ATP2C1: variants seen among roughly 807,000 people sequenced by gnomAD.
ATP2C1 encodes ATPase secretory pathway Ca2+ transporting 1.
Under a neutral mutation model 120.5 loss-of-function variants are expected in ATP2C1, and 31 were observed. That is an observed-to-expected ratio of 0.26 (90% CI 0.19 to 0.35). ATP2C1 has a LOEUF of 0.35. ATP2C1 is among the 10% of genes least tolerant of loss of function. The pLI, the probability that ATP2C1 is intolerant of heterozygous loss-of-function variation, is 1.00. For synonymous variants in ATP2C1, 351 were observed against 358.7 expected, an observed-to-expected ratio of 0.98 and a Z score of 0.24; for missense variants, 731 against 1,107.5, an observed-to-expected ratio of 0.66 and a Z score of 4.83.
At chr3:130,933,842 G>A (rs1462808709) in intron 4 of ATP2C1, among the ~76,000 whole-genome samples, 1 of 152,190 alleles carries the variant, frequency 6.6e-6, no homozygotes, top group Non-Finnish European at 1.5e-5. Flanking sequence ...GGCTTTGGAG[G>A]TGGTGGCATG....
chr3:130,918,355 A>G, intron 2 of ATP2C1: 1 of 1,548,634 alleles, frequency 6.5e-7, no homozygotes, highest in Non-Finnish European at 8.9e-7. Flanking sequence ...CTCTTCCCAC[A>G]CTTTGCACAT....
At chr3:130,879,020 T>A (rs2068697184) in intron 1 of ATP2C1, among the ~76,000 whole-genome samples, 1 of 152,182 alleles carries the variant, frequency 6.6e-6, no homozygotes, top group South Asian at 2.1e-4. Context: ...TGAAACTATA[T>A]AAGTATTGTT....
At position 131,001,727 on chromosome 3, in the gene ATP2C1, T is replaced by C. The variant is rs931955568; in HGVS notation, c.*377T>C. ...TTTTTAAATATTGTACTATTTATGGTGGTGGGGCTTTCTTACTAATACACA... is the reference window on the plus strand; with the variant it reads ...TTTTTAAATATTGTACTATTTATGGCGGTGGGGCTTTCTTACTAATACACA... On this transcript the variant is annotated 3_prime_UTR_variant, in exon 28 of 28. Transcript: ENST00000510168. The C allele has an allele frequency of 4.5e-5, 44 of 973,108 alleles. No homozygotes were observed. In the African/African-American group the frequency reaches 7.7e-4, roughly 17 times the overall value. The allele number at this position is 973,108 out of a possible 1,614,324, so 60.3% of individuals were successfully genotyped here.
chr3:130,951,747 T>C (rs368897857), intron 8 of ATP2C1, among the ~76,000 whole-genome samples: 150 of 152,334 alleles, frequency 9.8e-4, no homozygotes, highest in African/African-American at 3.5e-3. Context: ...CAATTAATGT[T>C]AAATGCAAAA....
At chr3:130,915,340 C>T (rs1245082665) in intron 2 of ATP2C1, among the ~76,000 whole-genome samples, 4 of 152,054 alleles carry the variant, frequency 2.6e-5, no homozygotes, top group East Asian at 3.9e-4. Flanking sequence ...GTGATCCACC[C>T]GCCTCAGACT....
intron 2 of ATP2C1, 25 bp from the exon 3 acceptor site, chr3:130,930,390 AT>A (rs2059402690): frequency 1.4e-6 from 2 of 1,422,904 alleles, no homozygotes; most frequent in African/African-American, 1.4e-5. Context: ...ATATTCAAAT[AT>A]TTTTTCTTTG....
intron 7 of ATP2C1, 141 bp downstream of exon 7, chr3:130,940,832 C>T (rs2059858476): frequency 1.1e-5 from 7 of 614,496 alleles, no homozygotes; most frequent in African/African-American, 1.9e-5. Context: ...TTCCTGGTCT[C>T]ATTAATGTAG....
At chr3:130,956,695 A>G (rs1242450125) in intron 11 of ATP2C1, among the ~76,000 whole-genome samples, 1 of 152,094 alleles carries the variant, frequency 6.6e-6, no homozygotes, top group Non-Finnish European at 1.5e-5. Context: ...AAAATTATTT[A>G]GTCAAAGGGG....
intron 2 of ATP2C1, among the ~76,000 whole-genome samples, chr3:130,927,243 CTT>C (rs772300672): frequency 1.8e-4 from 25 of 142,388 alleles, no homozygotes; most frequent in East Asian, 4.1e-4. Context: ...TTTTTTTTAA[CTT>C]TTTTTTTTTT....
intron 8 of ATP2C1, among the ~76,000 whole-genome samples, chr3:130,951,189 G>A (rs1189720333): frequency 6.6e-6 from 1 of 152,056 alleles, no homozygotes; most frequent in Non-Finnish European, 1.5e-5. Context: ...TGCTTTATGT[G>A]TTATACTGTC....
intron 1 of ATP2C1, among the ~76,000 whole-genome samples, chr3:130,875,564 T>C (rs555110573): frequency 6.6e-6 from 1 of 152,360 alleles, no homozygotes; most frequent in East Asian, 1.9e-4. Context: ...ATCTTGGCTA[T>C]TGTGGATAAT....
intron 2 of ATP2C1, among the ~76,000 whole-genome samples, chr3:130,916,039 A>G (rs573711970): frequency 6.6e-6 from 1 of 152,328 alleles, no homozygotes; most frequent in Admixed American, 6.5e-5. Context: ...AAGTATAGTT[A>G]ATAAATAGGA....
At chr3:130,992,825 T>G in intron 20 of ATP2C1, 126 bp from the exon 21 acceptor site, 1 of 749,988 alleles carries the variant, frequency 1.3e-6, no homozygotes, top group East Asian at 2.7e-5. Context: ...TTGCTTAAGC[T>G]TGATCTCAGT....
At chr3:130,980,778 G>A (rs1021542742) in intron 20 of ATP2C1, 99 bp downstream of exon 20, 76 of 907,018 alleles carry the variant, frequency 8.4e-5, no homozygotes, top group Non-Finnish European at 7.2e-6. Flanking sequence ...TGAACATCAG[G>A]GATTTAAATA....
intron 2 of ATP2C1, chr3:130,918,541 C>G: frequency 1.3e-6 from 1 of 749,350 alleles, no homozygotes; most frequent in Non-Finnish European, 2.5e-6. Context: ...TGCCCAGGCT[C>G]TCACCACGGT....
At chr3:130,961,123 T>G (rs2060800039) in intron 12 of ATP2C1, among the ~76,000 whole-genome samples, 1 of 152,070 alleles carries the variant, frequency 6.6e-6, no homozygotes, top group South Asian at 2.1e-4. Context: ...TTGAAACTCT[T>G]GGTTTAAATT....
At chr3:130,881,705 A>G (rs2068787108) in intron 1 of ATP2C1, among the ~76,000 whole-genome samples, 11 of 152,222 alleles carry the variant, frequency 7.2e-5, no homozygotes, top group Admixed American at 7.2e-4. Flanking sequence ...ATATGTTTAC[A>G]TTGTTTTGCA....
chr3:131,000,055 T>C (rs150808304), intron 27 of ATP2C1, among the ~76,000 whole-genome samples: 1 of 152,332 alleles, frequency 6.6e-6, no homozygotes, highest in African/African-American at 2.4e-5. Context: ...AATTTCATTA[T>C]TCTTTCTTGT....
At chr3:130,867,334 C>CCCTCTA (rs1041867403) in intron 1 of ATP2C1, among the ~76,000 whole-genome samples, 1 of 150,644 alleles carries the variant, frequency 6.6e-6, no homozygotes, top group Non-Finnish European at 1.5e-5. Context: ...CTCTCCCTCT[C>CCCTCTA]CCTCACGGTC....
Sources: gnomAD v4.1 joint callset for allele counts (sites outside exome capture counted in the v4.1 genomes callset) on GRCh38, gnomAD v4.1.1 for gene constraint, MANE v1.5 for transcripts, NCBI Gene and HGNC (gene_info 2026-07-23, HGNC 2026-07-21) for gene names.